Variants in EPB41L2 observed in about 807,000 individuals in gnomAD.
EPB41L2 encodes band 4.1-like protein 2.
In EPB41L2, 43 loss-of-function variants were observed where a neutral mutation model predicts 113.0. That is an observed-to-expected ratio of 0.38 (90% CI 0.30 to 0.49). The LOEUF (loss-of-function observed/expected upper bound fraction) is 0.49. Among genes scored for constraint, EPB41L2 ranks in the 20% least tolerant of loss-of-function variants. EPB41L2 has a pLI of 0.95. For missense variants in EPB41L2, 1,147 were observed against 1,223.4 expected, an observed-to-expected ratio of 0.94 and a Z score of 0.93; for synonymous variants, 442 against 436.7, an observed-to-expected ratio of 1.01 and a Z score of -0.15.
intron 1 of EPB41L2, among the ~76,000 whole-genome samples, chr6:130,972,937 CAAAAAAAAAAAAA>C (rs57293132): frequency 1.8e-4 from 11 of 59,528 alleles, no homozygotes; most frequent in Admixed American, 1.0e-3. Context: ...ACTAAAGATA[CAAAAAAAAAAAAA>C]AAAAAAAAAA....
intron 1 of EPB41L2, among the ~76,000 whole-genome samples, chr6:131,056,836 G>A (rs1797695479): frequency 6.6e-6 from 1 of 152,168 alleles, no homozygotes; most frequent in Non-Finnish European, 1.5e-5. Context: ...GAGTGGACAT[G>A]TTACTGATTC....
At chr6:130,868,268 A>T (rs767713206) in intron 15 of EPB41L2, 1 of 152,314 alleles carries the variant, frequency 6.6e-6, no homozygotes, top group Non-Finnish European at 1.5e-5. Context: ...CCTGTCTAAA[A>T]TTTGCAGTGT....
intron 1 of EPB41L2, among the ~76,000 whole-genome samples, chr6:130,964,086 A>C (rs574163333): frequency 3.3e-5 from 5 of 151,578 alleles, no homozygotes; most frequent in African/African-American, 4.8e-5. Context: ...CCATGGCATG[A>C]TATCAGCTCA....
chr6:130,898,826 T>C (rs904590243), intron 8 of EPB41L2, among the ~76,000 whole-genome samples: 1 of 152,186 alleles, frequency 6.6e-6, no homozygotes, highest in East Asian at 1.9e-4. Context: ...TTAAATAACT[T>C]TTAAAATTAT....
At chr6:130,880,735 TC>T (rs1389586034) in intron 12 of EPB41L2, 18 of 398,544 alleles carry the variant, frequency 4.5e-5, no homozygotes, top group Non-Finnish European at 6.6e-5. Flanking sequence ...TCTTTCTCAG[TC>T]CCTAGATTAT....
chr6:131,055,712 C>T (rs1797447992), intron 1 of EPB41L2, among the ~76,000 whole-genome samples: 1 of 152,146 alleles, frequency 6.6e-6, no homozygotes, highest in East Asian at 1.9e-4. Context: ...ATTTTTAAGC[C>T]TCAGTTTCTC....
chr6:130,901,105 G>C lies in EPB41L2; in HGVS notation c.1005C>G (p.Leu335=), dbSNP rs759783886. Residue 335 remains leucine, a synonymous_variant, in exon 7 of 20, where the codon CTC becomes CTG. Transcript: ENST00000337057. ...RLPCSFVTHA[L]LGSYTLQAEL... ...CAGCCTGCAGGGTGTAGGATCCCAG[G>C]AGAGCATGAGTCACAAAAGAGCAGG... 7 of 1,613,968 alleles carry C rather than the reference G, an allele frequency of 4.3e-6. No individual in the cohort carries two copies. The highest frequency in any genetic ancestry group is 4.5e-5 in the East Asian group (2 of 44,890).
chr6:130,881,532 A>G (rs958580836), intron 12 of EPB41L2: 1 of 152,156 alleles, frequency 6.6e-6, no homozygotes, highest in Non-Finnish European at 1.5e-5. Flanking sequence ...GGTTTGCTCT[A>G]AATTTTGTGA....
intron 1 of EPB41L2, among the ~76,000 whole-genome samples, chr6:130,969,809 C>T (rs982830534): frequency 6.6e-6 from 1 of 152,148 alleles, no homozygotes; most frequent in Non-Finnish European, 1.5e-5. Flanking sequence ...ATTAACCTTA[C>T]ATAGTCCTCA....
intron 1 of EPB41L2, among the ~76,000 whole-genome samples, chr6:130,973,546 G>C (rs189827982): frequency 6.6e-6 from 1 of 151,992 alleles, no homozygotes; most frequent in Non-Finnish European, 1.5e-5. Context: ...AAATCTTGAG[G>C]CCCCCAAGTC....
intron 1 of EPB41L2, among the ~76,000 whole-genome samples, chr6:131,036,375 A>C (rs1290005018): frequency 2.6e-5 from 4 of 152,196 alleles, no homozygotes; most frequent in Non-Finnish European, 1.5e-5. Context: ...GAGCTACTAG[A>C]GGTTACTGAG....
intron 1 of EPB41L2, among the ~76,000 whole-genome samples, chr6:130,995,218 C>T (rs1400051432): frequency 2.0e-5 from 3 of 152,176 alleles, no homozygotes; most frequent in Non-Finnish European, 2.9e-5. Flanking sequence ...CGCCTGTAGT[C>T]CCAGCTACTC....
At chr6:130,849,971 T>C (rs1778284581) in intron 19 of EPB41L2, among the ~76,000 whole-genome samples, 1 of 152,186 alleles carries the variant, frequency 6.6e-6, no homozygotes, top group South Asian at 2.1e-4. Context: ...TGGTGGCTTA[T>C]GCCTGTAATC....
chr6:131,022,086 T>C (rs1214078008), intron 1 of EPB41L2, among the ~76,000 whole-genome samples: 1 of 152,116 alleles, frequency 6.6e-6, no homozygotes, highest in Non-Finnish European at 1.5e-5. Flanking sequence ...CTGGACTTGT[T>C]TTCCTACAAC....
intron 1 of EPB41L2, among the ~76,000 whole-genome samples, chr6:130,975,326 GGT>G (rs1448881894): frequency 6.6e-6 from 1 of 152,210 alleles, no homozygotes; most frequent in Non-Finnish European, 1.5e-5. Context: ...CAAGGAAGTT[GGT>G]TAAGGTTAGG....
intron 11 of EPB41L2, among the ~76,000 whole-genome samples, chr6:130,889,191 A>C (rs1398844452): frequency 6.6e-6 from 1 of 151,722 alleles, no homozygotes; most frequent in East Asian, 1.9e-4. Flanking sequence ...ATTTTAGTTC[A>C]ATCAACCAAA....
chr6:130,872,594 C>A, intron 14 of EPB41L2: 1 of 1,170,740 alleles, frequency 8.5e-7, no homozygotes, highest in Non-Finnish European at 1.1e-6. Context: ...GAACAGACAG[C>A]AGTGACCTAT....
At position 130,880,060 on chromosome 6, in the gene EPB41L2, T is replaced by C. The variant is rs549838897; in HGVS notation, c.1896+84A>G. The C allele has an allele frequency of 1.1e-4, 115 of 1,005,372 alleles. 2 individuals are homozygous for C. The South Asian group carries it at 1.3e-3, about 12-fold the overall frequency. 62.3% of individuals were successfully genotyped at this position (1,005,372 alleles called of 1,614,324 possible). A position where few individuals can be genotyped will look rare whatever the true frequency, so the allele number is the denominator to read the frequency against. On this transcript the variant is annotated intron_variant, in intron 13 of 19. Transcript: ENST00000337057. ...CTGCATGCACCGTGCTTGAAGAACA[T>C]TGCCAGCCAGCCTAGGCGTGACCTC...
chr6:130,859,848 C>T (rs1444950097), intron 18 of EPB41L2, among the ~76,000 whole-genome samples: 1 of 151,628 alleles, frequency 6.6e-6, no homozygotes, highest in East Asian at 1.9e-4. Flanking sequence ...AGGGAACAAA[C>T]TCTTGTGAGT....
Sources: gnomAD v4.1 joint callset for allele counts (sites outside exome capture counted in the v4.1 genomes callset) on GRCh38, gnomAD v4.1.1 for gene constraint, MANE v1.5 for transcripts, NCBI Gene and HGNC (gene_info 2026-07-23, HGNC 2026-07-21) for gene names.